C8orf34: variants seen among roughly 807,000 people sequenced by gnomAD.
The protein encoded by C8orf34 is chromosome 8 open reading frame 34.
In C8orf34, 65 loss-of-function variants were observed where a neutral mutation model predicts 68.3. The observed-to-expected ratio is 0.95, with a 90% CI of 0.78 to 1.17. C8orf34 has a LOEUF of 1.17. Ranked by LOEUF, C8orf34 falls within the 50% of genes most tolerant of loss-of-function variation. The pLI is 0.00. For synonymous variants in C8orf34, 244 were observed against 241.2 expected, an observed-to-expected ratio of 1.01 and a Z score of -0.11; for missense variants, 664 against 655.4, an observed-to-expected ratio of 1.01 and a Z score of -0.14.
chr8:68,499,314 T>C (rs1813666220), intron 5 of C8orf34, among the ~76,000 whole-genome samples: 1 of 152,196 alleles, frequency 6.6e-6, no homozygotes, highest in African/African-American at 2.4e-5. Flanking sequence ...AAATCAAAGA[T>C]ACATTCAAAT....
intron 1 of C8orf34, among the ~76,000 whole-genome samples, chr8:68,361,770 T>C (rs1183838860): frequency 6.6e-6 from 1 of 152,226 alleles, no homozygotes; most frequent in Non-Finnish European, 1.5e-5. Context: ...TCATAAGAAT[T>C]TAACTGAGTA....
intron 3 of C8orf34, among the ~76,000 whole-genome samples, chr8:68,460,788 T>C (rs1433253267): frequency 1.3e-5 from 2 of 152,046 alleles, no homozygotes; most frequent in East Asian, 3.9e-4. Flanking sequence ...CAAAAACCCA[T>C]CTGTACATCA....
At chr8:68,350,855 T>C (rs1162133002) in intron 1 of C8orf34, among the ~76,000 whole-genome samples, 1 of 152,110 alleles carries the variant, frequency 6.6e-6, no homozygotes, top group Admixed American at 6.6e-5. Context: ...TGAATGTCAT[T>C]ACACTTGAGA....
intron 7 of C8orf34, among the ~76,000 whole-genome samples, chr8:68,578,797 A>G (rs745443928): frequency 6.6e-6 from 1 of 152,080 alleles, no homozygotes; most frequent in African/African-American, 2.4e-5. Context: ...TCCATTTCTA[A>G]TCAAAATGTG....
In C8orf34 at chr8:68,346,569, G is replaced by A. The variant is rs553089409; in HGVS notation, c.327+15230G>A. On this transcript the variant is annotated intron_variant, in intron 1 of 13. Transcript: ENST00000518698. ...TAGTGTCATACAGAGTATTTTCACT[G>A]TCCTAAAATCCTCTGTGTTTTTGCC... Among the ~76,000 whole-genome samples, 10 of 152,090 alleles carry A rather than the reference G, an allele frequency of 6.6e-5. No individual in the cohort carries two copies. The East Asian group carries it at 1.9e-3, about 29-fold the overall frequency.
chr8:68,475,734 C>G (rs759162278), intron 4 of C8orf34, among the ~76,000 whole-genome samples: 1 of 152,196 alleles, frequency 6.6e-6, no homozygotes, highest in Non-Finnish European at 1.5e-5. Flanking sequence ...GCCAACAAAA[C>G]CTTCTACTTC....
At chr8:68,500,877 C>G (rs1042723133) in intron 5 of C8orf34, among the ~76,000 whole-genome samples, 1 of 152,156 alleles carries the variant, frequency 6.6e-6, no homozygotes, top group Non-Finnish European at 1.5e-5. Flanking sequence ...ACTTCTCGAT[C>G]TGAGCTGTCT....
chr8:68,589,622 AGAAAG>A (rs1272058963), intron 7 of C8orf34, among the ~76,000 whole-genome samples: 2 of 148,244 alleles, frequency 1.3e-5, no homozygotes, highest in African/African-American at 5.1e-5. Flanking sequence ...GGAGAGAAGA[AGAAAG>A]AAGGAGGAGA....
chr8:68,352,403 GT>G (rs1377830431), intron 1 of C8orf34, among the ~76,000 whole-genome samples: 2 of 98,792 alleles, frequency 2.0e-5, no homozygotes, highest in African/African-American at 1.1e-4. Flanking sequence ...AGGCAGAGAT[GT>G]TGTTTTGGTC....
At position 68,525,518 on chromosome 8, in the gene C8orf34, T is replaced by G. The variant is rs1348431260; in HGVS notation, c.938+3547T>G. On this transcript the variant is annotated intron_variant, in intron 6 of 13. Coordinates refer to ENST00000518698, the MANE Select transcript of C8orf34 (RefSeq NM_052958.4). ...TATTTGTAAGTATGTATTACATCCC[T>G]AGAAAAAGAATCCCAGGATTTTCCC... The G allele has an allele frequency of 1.0e-5, 8 of 781,460 alleles. No homozygotes were observed. The East Asian group carries it at 2.0e-4, about 19-fold the overall frequency. The allele number at this position is 781,460 out of a possible 1,614,324, so 48.4% of individuals were successfully genotyped here.
At chr8:68,650,485 T>TC (rs1227168151) in intron 8 of C8orf34, among the ~76,000 whole-genome samples, 1 of 148,240 alleles carries the variant, frequency 6.7e-6, no homozygotes, top group African/African-American at 2.5e-5. Flanking sequence ...GTCTTTTTTT[T>TC]TTTTTTTTTT....
intron 8 of C8orf34, among the ~76,000 whole-genome samples, chr8:68,676,051 C>T (rs185376096): frequency 6.0e-4 from 91 of 152,154 alleles, no homozygotes; most frequent in East Asian, 1.2e-3. Flanking sequence ...TAAATATGCA[C>T]GCACCTGGCA....
At chr8:68,457,303 T>G (rs1459176366) in intron 3 of C8orf34, among the ~76,000 whole-genome samples, 1 of 152,020 alleles carries the variant, frequency 6.6e-6, no homozygotes, top group Non-Finnish European at 1.5e-5. Context: ...AGCTGAAAAA[T>G]CATGATATGG....
intron 1 of C8orf34, among the ~76,000 whole-genome samples, chr8:68,383,517 T>C (rs1233846811): frequency 6.6e-6 from 1 of 152,218 alleles, no homozygotes; most frequent in Non-Finnish European, 1.5e-5. Flanking sequence ...TCAAGGTCCC[T>C]GCTGGGAGAA....
At chr8:68,486,507 A>G (rs948749676) in intron 4 of C8orf34, among the ~76,000 whole-genome samples, 1 of 152,194 alleles carries the variant, frequency 6.6e-6, no homozygotes, top group African/African-American at 2.4e-5. Context: ...ATTTTATAAA[A>G]TATTGAAGAA....
chr8:68,728,349 G>A (rs1258966657), intron 10 of C8orf34, among the ~76,000 whole-genome samples: 1 of 152,144 alleles, frequency 6.6e-6, no homozygotes, highest in Non-Finnish European at 1.5e-5. Context: ...TTCAACAAGT[G>A]TCTAGAAAGT....
intron 2 of C8orf34, among the ~76,000 whole-genome samples, chr8:68,444,246 T>C (rs1811031862): frequency 6.6e-6 from 1 of 152,096 alleles, no homozygotes; most frequent in Non-Finnish European, 1.5e-5. Context: ...TCTCATCTTC[T>C]TTTTATTATT....
At chr8:68,527,675 G>A (rs1203535601) in intron 6 of C8orf34, among the ~76,000 whole-genome samples, 1 of 152,218 alleles carries the variant, frequency 6.6e-6, no homozygotes, top group Non-Finnish European at 1.5e-5. Flanking sequence ...AGGCTGCCTT[G>A]CTTCAAATTC....
intron 10 of C8orf34, among the ~76,000 whole-genome samples, chr8:68,725,106 ATCC>A (rs897537520): frequency 5.9e-5 from 9 of 152,188 alleles, no homozygotes; most frequent in African/African-American, 1.4e-4. Flanking sequence ...GATTCAGGCA[ATCC>A]TCCTTCCTCG....
Sources: allele counts gnomAD v4.1 joint callset (sites outside exome capture counted in the v4.1 genomes callset), GRCh38; gene constraint gnomAD v4.1.1; transcripts MANE v1.5; gene names NCBI Gene and HGNC (gene_info 2026-07-23, HGNC 2026-07-21).